Variants in AMD1 observed in about 807,000 individuals in gnomAD.
AMD1 encodes adenosylmethionine decarboxylase 1.
Under a neutral mutation model 40.2 loss-of-function variants are expected in AMD1, and 11 were observed. That is an observed-to-expected ratio of 0.27 (90% CI 0.17 to 0.45). The LOEUF (loss-of-function observed/expected upper bound fraction) is 0.45, where lower values mean the gene tolerates loss of function less well. Among genes scored for constraint, AMD1 ranks in the 20% least tolerant of loss-of-function variants. The pLI is 1.00. For synonymous variants in AMD1, 121 were observed against 130.8 expected, an observed-to-expected ratio of 0.93 and a Z score of 0.51; for missense variants, 257 against 410.2, an observed-to-expected ratio of 0.63 and a Z score of 3.23.
chr6:110,874,451 G>A (rs1236992568), upstream of AMD1, among the ~76,000 whole-genome samples: 1 of 151,516 alleles, frequency 6.6e-6, no homozygotes, highest in African/African-American at 2.4e-5. Context: ...CATGTTTTCT[G>A]CTAATCATTT....
At chr6:110,874,531 G>A (rs1486281668), upstream of AMD1, among the ~76,000 whole-genome samples, 2 of 151,796 alleles carry the variant, frequency 1.3e-5, no homozygotes, top group African/African-American at 4.8e-5. Flanking sequence ...CTCTGCGTTC[G>A]ATCCGAGGTT....
the AMD1 span, among the ~76,000 whole-genome samples, chr6:110,836,520 TTA>T: frequency 2.7e-4 from 41 of 152,272 alleles, no homozygotes; most frequent in African/African-American, 9.9e-4. Context: ...ATATTTTCAT[TTA>T]GAGTATTTCC....
At chr6:110,839,860 C>T in the AMD1 span, among the ~76,000 whole-genome samples, 1 of 151,836 alleles carries the variant, frequency 6.6e-6, no homozygotes, top group East Asian at 1.9e-4. Context: ...CTATCAGGTT[C>T]GGAAAAGAAT....
chr6:110,894,542 G>C lies in AMD1; in HGVS notation c.*926G>C, dbSNP rs1786204112. 1 of 152,218 alleles carries C rather than the reference G, an allele frequency of 6.6e-6. No homozygotes were observed. Among genetic ancestry groups the C allele is most frequent in the South Asian group, 2.1e-4 (1 of 4,832 alleles). 9.4% of individuals were successfully genotyped at this position (152,218 alleles called of 1,614,324 possible). On this transcript the variant is annotated 3_prime_UTR_variant, in exon 9 of 9. Transcript: ENST00000368885. ...CAATTCTGTGTTCCTCAGTAAATGA[G>C]ATTAGCGTCTAATGAGTAGCACCCC... is the stretch of plus-strand genomic sequence containing the variant.
At chr6:110,823,204 T>G in the AMD1 span, among the ~76,000 whole-genome samples, 5 of 152,088 alleles carry the variant, frequency 3.3e-5, no homozygotes, top group Non-Finnish European at 5.9e-5. Context: ...CTCAAAAAAC[T>G]AGGCATAGAA....
At chr6:110,842,784 C>T in the AMD1 span, among the ~76,000 whole-genome samples, 2 of 152,004 alleles carry the variant, frequency 1.3e-5, no homozygotes, top group Non-Finnish European at 2.9e-5. Context: ...GGAAGAACAC[C>T]CTTCAACCTA....
the AMD1 span, chr6:110,864,208 T>A: frequency 6.4e-6 from 1 of 155,950 alleles, no homozygotes. Flanking sequence ...CCTCCCAAAG[T>A]GCTGGGATTA....
the AMD1 span, among the ~76,000 whole-genome samples, chr6:110,860,120 C>G: frequency 6.6e-6 from 1 of 152,142 alleles, no homozygotes; most frequent in Non-Finnish European, 1.5e-5. Flanking sequence ...AGCCACCATG[C>G]CCAGCCCCTC....
intron 1 of AMD1, among the ~76,000 whole-genome samples, chr6:110,886,153 G>T (rs1785671596): frequency 6.6e-6 from 1 of 151,592 alleles, no homozygotes; most frequent in African/African-American, 2.4e-5. Flanking sequence ...TGCTTGGGAG[G>T]TGGAGGTTGC....
chr6:110,878,101 C>G lies in AMD1; in HGVS notation c.110+2886C>G, dbSNP rs926652854. 5.9e-5 allele frequency among the ~76,000 whole-genome samples: 9 copies of G among 152,264 alleles called. No homozygotes were observed. The South Asian group carries it at 1.9e-3, about 32-fold the overall frequency. On this transcript the variant is annotated intron_variant, in intron 1 of 8. Transcript: ENST00000368885. ...ACTTGAATCAGTCAATCATCTAGGC[C>G]CAGATGATTTCACTGGAGTGTTCTG...
chr6:110,892,128 TTA>T (rs1786057325), intron 4 of AMD1, 31 bp from the exon 5 acceptor site: 1 of 1,609,162 alleles, frequency 6.2e-7, no homozygotes, highest in African/African-American at 1.3e-5. Flanking sequence ...AATGGATGTG[TTA>T]TATTTATTTT....
the AMD1 span, among the ~76,000 whole-genome samples, chr6:110,838,687 T>C: frequency 6.6e-6 from 1 of 152,036 alleles, no homozygotes; most frequent in Non-Finnish European, 1.5e-5. Context: ...GGTGAAACCC[T>C]GACTCTACTG....
At chr6:110,842,461 G>A in the AMD1 span, among the ~76,000 whole-genome samples, 1 of 152,138 alleles carries the variant, frequency 6.6e-6, no homozygotes, top group Non-Finnish European at 1.5e-5. Flanking sequence ...ATATACAGAT[G>A]TCACCTGCCC....
chr6:110,884,516 C>T (rs1376261727), intron 1 of AMD1, among the ~76,000 whole-genome samples: 1 of 152,190 alleles, frequency 6.6e-6, no homozygotes, highest in Non-Finnish European at 1.5e-5. Context: ...TCACTGCACC[C>T]TCCATCTCCT....
At chr6:110,881,431 G>A (rs1369728030) in intron 1 of AMD1, among the ~76,000 whole-genome samples, 3 of 152,110 alleles carry the variant, frequency 2.0e-5, no homozygotes, top group African/African-American at 7.2e-5. Context: ...GATCAGAGAG[G>A]TGGCATTTAA....
At chr6:110,837,378 A>T in the AMD1 span, among the ~76,000 whole-genome samples, 2 of 151,616 alleles carry the variant, frequency 1.3e-5, no homozygotes, top group African/African-American at 2.4e-5. Context: ...AGGTTACAAT[A>T]ATTCTGGCAG....
chr6:110,878,321 T>G (rs1313879587), intron 1 of AMD1, among the ~76,000 whole-genome samples: 1 of 152,220 alleles, frequency 6.6e-6, no homozygotes, highest in Non-Finnish European at 1.5e-5. Flanking sequence ...TAAACAAACT[T>G]GGCTCATCAG....
chr6:110,844,079 T>C, the AMD1 span, among the ~76,000 whole-genome samples: 6 of 151,988 alleles, frequency 3.9e-5, no homozygotes, highest in African/African-American at 1.4e-4. Context: ...TTATCCTGCC[T>C]CCTATAAGCA....
the AMD1 span, among the ~76,000 whole-genome samples, chr6:110,833,979 T>C: frequency 1.3e-5 from 2 of 152,184 alleles, no homozygotes; most frequent in Non-Finnish European, 2.9e-5. Flanking sequence ...TTTTTTAGAC[T>C]GTCACCCAGG....
Sources: allele counts gnomAD v4.1 joint callset (sites outside exome capture counted in the v4.1 genomes callset), GRCh38; gene constraint gnomAD v4.1.1; transcripts MANE v1.5; gene names NCBI Gene and HGNC (gene_info 2026-07-23, HGNC 2026-07-21).